LRIT3: variants seen among roughly 807,000 people sequenced by gnomAD.
LRIT3 encodes leucine rich repeat, Ig-like and transmembrane domains 3.
LRIT3 carries 14 observed loss-of-function variants against 22.6 expected under a neutral mutation model. That is an observed-to-expected ratio of 0.62 (90% CI 0.41 to 0.97). The LOEUF is 0.97. Ranked by LOEUF, LRIT3 falls within the 50% of genes least tolerant of loss-of-function variation. LRIT3 has a pLI of 0.00. For missense variants in LRIT3, 783 were observed against 803.0 expected (o/e 0.98, Z 0.30); for synonymous variants, 306 against 304.5 (o/e 1.01, Z -0.05).
intron 2 of LRIT3, among the ~76,000 whole-genome samples, chr4:109,863,284 CA>C (rs1734594291): frequency 6.6e-6 from 1 of 152,124 alleles, no homozygotes; most frequent in Non-Finnish European, 1.5e-5. Context: ...CTTTAACCAG[CA>C]TGGTGGTTTA....
chr4:109,855,692 G>C (rs527834204), intron 2 of LRIT3, among the ~76,000 whole-genome samples: 3 of 152,030 alleles, frequency 2.0e-5, no homozygotes, highest in South Asian at 2.1e-4. Flanking sequence ...TATAAATTTC[G>C]CTCTACACAC....
chr4:109,850,394 C>CTTTCTTTCTCTTTCTTTCTTT (rs1560588780), intron 1 of LRIT3, among the ~76,000 whole-genome samples: 1 of 540 alleles, frequency 1.9e-3, no homozygotes, highest in African/African-American at 3.6e-3. Context: ...TTCCTTCCTT[C>CTTTCTTTCTCTTTCTTTCTTT]CTTCCTTCCT....
chr4:109,866,645 T>A (rs932955282), intron 2 of LRIT3, among the ~76,000 whole-genome samples: 8 of 152,204 alleles, frequency 5.3e-5, no homozygotes, highest in African/African-American at 1.9e-4. Flanking sequence ...TAGACCACAT[T>A]GCATTGAGTA....
chr4:109,856,183 AT>A (rs1734396501), intron 2 of LRIT3, among the ~76,000 whole-genome samples: 1 of 152,106 alleles, frequency 6.6e-6, no homozygotes, highest in Non-Finnish European at 1.5e-5. Context: ...CCAACCTGGC[AT>A]TGTCTTTACA....
In LRIT3 at chr4:109,857,634, T is replaced by C. The variant is rs138149894; in HGVS notation, c.589+5658T>C. Among the ~76,000 whole-genome samples the C allele has an allele frequency of 2.6e-3, 397 of 152,312 alleles. 3 individuals carry two copies. The Middle Eastern group carries it at 0.037, about 14-fold the overall frequency. On this transcript the variant is annotated intron_variant, in intron 2 of 3. Transcript: ENST00000594814. ...GAAAAAAGGAGTTAAATCTATGATA[T>C]AATAGGGAAGGGTTGTCACTACTTT... is the stretch of plus-strand genomic sequence containing the variant.
At position 109,871,541 on chromosome 4, in the gene LRIT3, T is replaced by C. The variant is rs1348178339; in HGVS notation, c.*752T>C. ...CTTTTAATATTTTGCTGTTTGCTCT[T>C]ATGTTCTCCCTTCTTTCTTCCTTCC... On this transcript the variant is annotated 3_prime_UTR_variant, in exon 4 of 4. Coordinates refer to ENST00000594814, the MANE Select transcript of LRIT3 (RefSeq NM_198506.5). 3 of 152,188 alleles carry C rather than the reference T, an allele frequency of 2.0e-5. No individual in the cohort carries two copies. The highest frequency in any genetic ancestry group is 7.2e-5 in the African/African-American group (3 of 41,450). The allele number at this position is 152,188 out of a possible 1,614,324, so 9.4% of individuals were successfully genotyped here.
chr4:109,867,119 A>G (rs895751779), intron 2 of LRIT3, among the ~76,000 whole-genome samples: 4 of 152,160 alleles, frequency 2.6e-5, no homozygotes, highest in East Asian at 1.9e-4. Flanking sequence ...TGAGCACCCT[A>G]TAATACTTAC....
Position 109,851,933 on chromosome 4 carries a change from AC to A in LRIT3, c.548del (p.Pro183LeufsTer30). 1 of 1,551,470 alleles carries A rather than the reference AC, an allele frequency of 6.4e-7. No individual in the cohort carries two copies. Among genetic ancestry groups the A allele is most frequent in the Non-Finnish European group, 8.7e-7 (1 of 1,146,922 alleles). On this transcript the variant is annotated frameshift_variant, in exon 2 of 4. Transcript: ENST00000594814. LOFTEE classifies it high-confidence loss of function. ...LESWTHLVST[P>X]SGVLDLSPSR... is the part of the protein sequence containing the mutation. The stretch of plus-strand genomic sequence containing the variant: ...AGAGCTGGACTCATTTAGTTTCAAC[AC>A]CTTCTGGAGTCCTGGACCTTTCCCC...
chr4:109,855,763 G>T (rs1035167305), intron 2 of LRIT3, among the ~76,000 whole-genome samples: 2 of 152,166 alleles, frequency 1.3e-5, no homozygotes, highest in African/African-American at 4.8e-5. Context: ...TGGTTTCAAA[G>T]AACATCTTTA....
intron 2 of LRIT3, among the ~76,000 whole-genome samples, chr4:109,860,962 G>T (rs1451671432): frequency 2.0e-5 from 3 of 152,230 alleles, no homozygotes; most frequent in Non-Finnish European, 4.4e-5. Context: ...TTTCGAGTTT[G>T]GGGCCATAAT....
chr4:109,850,406 C>CTTT (rs1475607293), intron 1 of LRIT3, among the ~76,000 whole-genome samples: 21 of 1,476 alleles, frequency 0.014, no homozygotes, highest in East Asian at 0.12. Context: ...TTCCTTCCTT[C>CTTT]CTTCCTTCCT....
chr4:109,860,712 A>G (rs1180458314), intron 2 of LRIT3, among the ~76,000 whole-genome samples: 1 of 152,230 alleles, frequency 6.6e-6, no homozygotes, highest in Non-Finnish European at 1.5e-5. Flanking sequence ...CTTTCCAGTC[A>G]ATCTTGCCTC....
intron 3 of LRIT3, among the ~76,000 whole-genome samples, chr4:109,868,706 T>A (rs10488880): frequency 0.03 from 4,597 of 152,216 alleles, 222 homozygotes; most frequent in African/African-American, 0.1. Flanking sequence ...CAGATCCTAG[T>A]GTGACAATGT....
intron 2 of LRIT3, among the ~76,000 whole-genome samples, chr4:109,863,443 A>T (rs1734598062): frequency 6.6e-6 from 1 of 152,180 alleles, no homozygotes; most frequent in African/African-American, 2.4e-5. Flanking sequence ...GGATTGAGTC[A>T]GTCCATCCTT....
In LRIT3 at chr4:109,869,874, A is replaced by T. The variant is rs768539302; in HGVS notation, c.1125A>T (p.Arg375Ser). The T allele has an allele frequency of 3.1e-6, 5 of 1,614,138 alleles. No individual in the cohort carries two copies. In the South Asian group the frequency reaches 5.5e-5, roughly 18 times the overall value. The change falls in exon 4 of 4, where the codon AGA becomes AGT. Residue 375 changes from arginine to serine, a missense_variant. This residue lies in a region of LRIT3 where 756 missense variants were observed against 753.8 expected (regional missense o/e 1.00). Transcript: ENST00000594814. ...GGGATGTCCAGCCGGGATCTGGAAG[A>T]TCTACATCTGTATCTAGCGCATCAT... ...PEWDVQPGSGRSTSVSSASSY... is the reference protein window; with the variant it reads ...PEWDVQPGSGSSTSVSSASSY...
At position 109,870,054 on chromosome 4, in the gene LRIT3, C is replaced by T. The variant is rs1734787184; in HGVS notation, c.1305C>T (p.Thr435=). ...GCACAAGCATCTCAGCAAGTACCACCATGGCCAACAAGCGATCATTCCAGC... is the reference window on the plus strand; with the variant it reads ...GCACAAGCATCTCAGCAAGTACCACTATGGCCAACAAGCGATCATTCCAGC... ...TLSTSISAST[T]MANKRSFQLH... The change falls in exon 4 of 4, where the codon ACC becomes ACT. Residue 435 remains threonine (T), a synonymous_variant. Transcript: ENST00000594814. 1.2e-6 allele frequency: 2 copies of T among 1,614,206 alleles called. No individual in the cohort carries two copies. Among genetic ancestry groups the T allele is most frequent in the East Asian group, 2.2e-5 (1 of 44,884 alleles).
At chr4:109,869,369 A>C (rs569446494) in intron 3 of LRIT3, among the ~76,000 whole-genome samples, 1 of 152,336 alleles carries the variant, frequency 6.6e-6, no homozygotes, top group African/African-American at 2.4e-5. Context: ...TTTAGTGGGC[A>C]AAAGTTTCTA....
At chr4:109,859,872 A>G (rs1734492590) in intron 2 of LRIT3, among the ~76,000 whole-genome samples, 1 of 152,230 alleles carries the variant, frequency 6.6e-6, no homozygotes, top group Non-Finnish European at 1.5e-5. Context: ...GCAATTTTGT[A>G]CTTACAATAA....
At position 109,872,121 on chromosome 4, in the gene LRIT3, A is replaced by G. The variant is rs893289338; in HGVS notation, c.*1332A>G. On this transcript the variant is annotated 3_prime_UTR_variant, in exon 4 of 4. Transcript: ENST00000594814. Reference sequence around the variant, plus strand: ...ATTAAACTTGCTCTATGAAAGAAACACTTGGTAATTGACCCAGACTGAATA... The same window carrying G: ...ATTAAACTTGCTCTATGAAAGAAACGCTTGGTAATTGACCCAGACTGAATA... 4 of 152,208 alleles carry G rather than the reference A, an allele frequency of 2.6e-5. No individual in the cohort carries two copies. Among genetic ancestry groups the G allele is most frequent in the Admixed American group, 6.5e-5 (1 of 15,290 alleles). 9.4% of individuals were successfully genotyped at this position (152,208 alleles called of 1,614,324 possible). A position where few individuals can be genotyped will look rare whatever the true frequency, so the allele number is the denominator to read the frequency against.
Sources: allele counts gnomAD v4.1 joint callset (sites outside exome capture counted in the v4.1 genomes callset), GRCh38; gene constraint gnomAD v4.1.1; regional missense constraint gnomAD v4.1.1; transcripts MANE v1.5; gene names NCBI Gene and HGNC (gene_info 2026-07-23, HGNC 2026-07-21).